The following LGALS4 variants were observed in gnomAD, a reference collection of about 807,000 sequenced individuals.
LGALS4 encodes the protein galectin-4.
A neutral mutation model predicts 39.6 loss-of-function variants in LGALS4; 37 were observed. The observed-to-expected ratio is 0.93, with a 90% CI of 0.72 to 1.23. The LOEUF (loss-of-function observed/expected upper bound fraction) is 1.23. Ranked by LOEUF, LGALS4 falls within the 50% of genes most tolerant of loss-of-function variation. LGALS4 has a pLI of 0.00. For missense variants in LGALS4, 397 were observed against 433.2 expected (o/e 0.92, Z 0.74); for synonymous variants, 160 against 165.5 (o/e 0.97, Z 0.25).
chr19:38,811,475 A>AAAT (rs200108068), intron 2 of LGALS4, among the ~76,000 whole-genome samples: 6 of 151,046 alleles, frequency 4.0e-5, no homozygotes, highest in African/African-American at 1.5e-4. Flanking sequence ...TCTACAAAAC[A>AAAT]AATAATAATA....
At chr19:38,807,524 C>T (rs1174479141) in intron 3 of LGALS4, among the ~76,000 whole-genome samples, 4 of 151,902 alleles carry the variant, frequency 2.6e-5, no homozygotes, top group Admixed American at 6.6e-5. Flanking sequence ...GGCCGCCCTT[C>T]GTCTGGGAGG....
chr19:38,807,832 T>C (rs1971440499), intron 3 of LGALS4, among the ~76,000 whole-genome samples: 1 of 152,190 alleles, frequency 6.6e-6, no homozygotes, highest in Admixed American at 6.5e-5. Context: ...TTACCCTGTG[T>C]TCCCTGAGAC....
chr19:38,805,970 G>A (rs1971417032), intron 4 of LGALS4, among the ~76,000 whole-genome samples: 1 of 152,148 alleles, frequency 6.6e-6, no homozygotes, highest in African/African-American at 2.4e-5. Flanking sequence ...TACTTGGGAG[G>A]CTGAGGCAGG....
chr19:38,805,169 TAATAATAATAA>T lies in LGALS4; in HGVS notation c.474+1281_475-1275del, dbSNP rs754083090. The stretch of plus-strand genomic sequence containing the variant: ...ACAGAGCCAGACCCTGCCTCAAAAA[TAATAATAATAA>T]TAATAATAATAATAATAATAATAAT... On this transcript the variant is annotated intron_variant, in intron 4 of 9. Transcript: ENST00000307751. 2.6e-4 allele frequency among the ~76,000 whole-genome samples: 17 copies of T among 64,264 alleles called. 1 individual carries two copies. In the South Asian group the frequency reaches 5.0e-3, roughly 19 times the overall value. The allele number at this position is 64,264 out of a possible 152,430, so 42.2% of individuals were successfully genotyped here. A position where few individuals can be genotyped will look rare whatever the true frequency, so the allele number is the denominator to read the frequency against.
At position 38,812,530 on chromosome 19, in the gene LGALS4, G is replaced by C; in HGVS notation, c.46-11C>G. ...GTAGTAAGGCAGCGTCTGGAGAAGA[G>C]GCCTGGTGAGGGGACTCACAAGCCA... On this transcript the variant is annotated splice_polypyrimidine_tract_variant and intron_variant, in intron 1 of 9. Transcript: ENST00000307751. The C allele has an allele frequency of 6.2e-7, 1 of 1,612,942 alleles. No homozygotes were observed. The highest frequency in any genetic ancestry group is 1.1e-5 in the South Asian group (1 of 91,048).
chr19:38,807,497 A>G (rs12972114), intron 3 of LGALS4, among the ~76,000 whole-genome samples: 35,828 of 152,050 alleles, frequency 0.24, 4,657 homozygotes, highest in African/African-American at 0.35. Flanking sequence ...GAGGATTTTT[A>G]AAAATAGGCA....
chr19:38,805,680 A>C (rs558849278), intron 4 of LGALS4, among the ~76,000 whole-genome samples: 1 of 152,184 alleles, frequency 6.6e-6, no homozygotes, highest in South Asian at 2.1e-4. Context: ...CCCGGCCTTT[A>C]TCCCTTGCAG....
intron 2 of LGALS4, among the ~76,000 whole-genome samples, chr19:38,811,059 G>A (rs916817597): frequency 2.0e-5 from 3 of 151,706 alleles, no homozygotes; most frequent in East Asian, 1.9e-4. Context: ...GCGCCACCAC[G>A]CCCTGGTAAT....
intron 4 of LGALS4, among the ~76,000 whole-genome samples, chr19:38,804,886 T>A (rs1223734500): frequency 6.6e-6 from 1 of 151,656 alleles, no homozygotes; most frequent in Non-Finnish European, 1.5e-5. Flanking sequence ...CCGGGGGCTG[T>A]GGCTCACGCC....
intron 4 of LGALS4, among the ~76,000 whole-genome samples, chr19:38,804,806 G>C (rs1971402782): frequency 6.6e-6 from 1 of 151,522 alleles, no homozygotes; most frequent in African/African-American, 2.4e-5. Flanking sequence ...CTGGGCCACA[G>C]AGCAAGACTC....
chr19:38,803,821 A>G, intron 5 of LGALS4, 41 bp from the exon 6 acceptor site: 1 of 1,613,372 alleles, frequency 6.2e-7, no homozygotes, highest in Non-Finnish European at 8.5e-7. Flanking sequence ...AGAGGGGCTG[A>G]GGGACCCCAC....
At position 38,804,429 on chromosome 19, in the gene LGALS4, G is replaced by A. The variant is rs186835216; in HGVS notation, c.475-534C>T. Reference sequence around the variant, plus strand: ...GGTGTAGCTGGGATTACAAGCATGCGCCACCACGCCCAGCTAATTTTGTAT... The same window carrying A: ...GGTGTAGCTGGGATTACAAGCATGCACCACCACGCCCAGCTAATTTTGTAT... On this transcript the variant is annotated intron_variant, in intron 4 of 9. Coordinates refer to ENST00000307751, the MANE Select transcript of LGALS4 (RefSeq NM_006149.4). Among the ~76,000 whole-genome samples the A allele has an allele frequency of 3.9e-5, 6 of 152,140 alleles. No homozygotes were observed. The South Asian group carries it at 6.2e-4, about 16-fold the overall frequency.
chr19:38,810,696 C>G (rs1600000617), intron 2 of LGALS4, among the ~76,000 whole-genome samples: 1 of 151,672 alleles, frequency 6.6e-6, no homozygotes, highest in Non-Finnish European at 1.5e-5. Context: ...AGGCTAGTCT[C>G]GAGCTCCTGA....
At chr19:38,807,847 G>A (rs1971440641) in intron 3 of LGALS4, among the ~76,000 whole-genome samples, 1 of 152,140 alleles carries the variant, frequency 6.6e-6, no homozygotes, top group South Asian at 2.1e-4. Context: ...TGAGACATGT[G>A]GTGTGTCAAC....
intron 2 of LGALS4, among the ~76,000 whole-genome samples, chr19:38,811,739 C>T (rs150506225): frequency 0.079 from 11,961 of 151,624 alleles, 620 homozygotes; most frequent in South Asian, 0.16. Flanking sequence ...CTGGGCCAGG[C>T]GCAGTGGCTC....
Position 38,806,587 on chromosome 19 carries a change from T to C in LGALS4, c.348A>G (p.Val116=), listed in dbSNP as rs1295305949. 7 of 1,613,650 alleles carry C rather than the reference T, an allele frequency of 4.3e-6. No individual in the cohort carries two copies. The African/African-American group carries it at 9.3e-5, about 22-fold the overall frequency. ...CGTACTCATAGAAGGGATTTCCATT[T>C]ACCACCACCTGGAGGGCAGAGATGG... The part of the protein sequence containing the change: ...IVLAEHYKVV[V]NGNPFYEYGH... The change falls in exon 4 of 10, where the codon GTA becomes GTG. Residue 116 remains valine, a synonymous_variant. Transcript: ENST00000307751.
rs537522108 is a variant in LGALS4 at position 38,803,628 on chromosome 19, T to G, written c.541-77A>C. 5.0e-6 allele frequency: 8 copies of G among 1,595,214 alleles called. No homozygotes were observed. In the African/African-American group the frequency reaches 8.0e-5, roughly 16 times the overall value. ...ATGACACACCCATTAGACTCCGGCG[T>G]TTCTCTAGGTGCTGGGTTAGTACAC... is the stretch of plus-strand genomic sequence containing the variant. On this transcript the variant is annotated intron_variant, in intron 6 of 9. Transcript: ENST00000307751.
Position 38,806,445 on chromosome 19 carries a change from A to G in LGALS4, c.474+16T>C, listed in dbSNP as rs996640268. The G allele has an allele frequency of 1.2e-6, 2 of 1,613,410 alleles. No homozygotes were observed. The highest frequency in any genetic ancestry group is 1.7e-6 in the Non-Finnish European group (2 of 1,179,572). ...TTAGAAAGAAAGGACGCAAGAAGGG[A>G]TGGGACCCCTCACACCTGGGGCCGG... is the stretch of plus-strand genomic sequence containing the variant. On this transcript the variant is annotated intron_variant, in intron 4 of 9. Transcript: ENST00000307751.
chr19:38,807,851 T>G (rs943885331), intron 3 of LGALS4, among the ~76,000 whole-genome samples: 3 of 152,206 alleles, frequency 2.0e-5, no homozygotes, highest in African/African-American at 4.8e-5. Flanking sequence ...ACATGTGGTG[T>G]GTCAACTCAG....
Sources: gnomAD v4.1 joint callset for allele counts (sites outside exome capture counted in the v4.1 genomes callset) on GRCh38, gnomAD v4.1.1 for gene constraint, MANE v1.5 for transcripts, NCBI Gene and HGNC (gene_info 2026-07-23, HGNC 2026-07-21) for gene names.